Variants in FAF1 observed in about 807,000 individuals in gnomAD.
FAF1 encodes the protein FAS-associated factor 1.
A neutral mutation model predicts 92.5 loss-of-function variants in FAF1; 25 were observed. The observed-to-expected ratio is 0.27, with a 90% CI of 0.20 to 0.38. The LOEUF (loss-of-function observed/expected upper bound fraction) is 0.38. Among genes scored for constraint, FAF1 ranks in the 10% least tolerant of loss-of-function variants. The pLI is 1.00. For missense variants in FAF1, 636 were observed against 793.3 expected (o/e 0.80, Z 2.38); for synonymous variants, 234 against 273.2 (o/e 0.86, Z 1.42).
chr1:50,828,836 G>A, intron 2 of FAF1, among the ~76,000 whole-genome samples: 1 of 152,096 alleles, frequency 6.6e-6, no homozygotes, highest in East Asian at 1.9e-4. Flanking sequence ...AGTTATTCTT[G>A]CTTATTAAAG....
chr1:50,705,862 A>G lies in FAF1; in HGVS notation c.581T>C (p.Phe194Ser), dbSNP rs374805834. The G allele has an allele frequency of 3.7e-6, 6 of 1,612,688 alleles. No homozygotes were observed. Among genetic ancestry groups the G allele is most frequent in the Non-Finnish European group, 5.1e-6 (6 of 1,179,020 alleles). The stretch of plus-strand genomic sequence containing the variant: ...TTCTCGGTGGGTGATGATCAGCATG[A>G]AGTTTTGATTTAATGACTCCTGCAG... ...GALQESLNQNFMLIITHREVQ... is the reference protein window; with the variant it reads ...GALQESLNQNSMLIITHREVQ... The change falls in exon 7 of 19, where the codon TTC becomes TCC. Residue 194 changes from phenylalanine (F) to serine (S), a missense_variant. Physicochemically the swap from Phe to Ser is radical, Grantham distance 155. This residue lies in a region of FAF1 where 317 missense variants were observed against 342.4 expected (regional missense o/e 0.93). Transcript: ENST00000396153.
chr1:50,491,385 T>C lies in FAF1; in HGVS notation c.1575+336A>G, dbSNP rs1447910546. On this transcript the variant is annotated intron_variant, in intron 16 of 18. Coordinates refer to ENST00000396153, the MANE Select transcript of FAF1 (RefSeq NM_007051.3). ...CTCAACACAGAAGCAGGTGCTTAAGTAGTATTCAATAAATCAATAGTTCCC... is the reference window on the plus strand; with the variant it reads ...CTCAACACAGAAGCAGGTGCTTAAGCAGTATTCAATAAATCAATAGTTCCC... Among the ~76,000 whole-genome samples, 5 of 152,208 alleles carry C rather than the reference T, an allele frequency of 3.3e-5. No individual in the cohort carries two copies. In the East Asian group the frequency reaches 7.7e-4, roughly 23 times the overall value.
chr1:50,781,691 ACAG>A (rs1344370325), intron 4 of FAF1, among the ~76,000 whole-genome samples: 1 of 152,244 alleles, frequency 6.6e-6, no homozygotes, highest in African/African-American at 2.4e-5. Flanking sequence ...CCATTCTATC[ACAG>A]CAGAATACAC....
intron 15 of FAF1, among the ~76,000 whole-genome samples, chr1:50,512,295 T>G (rs1239049417): frequency 6.6e-6 from 1 of 152,240 alleles, no homozygotes; most frequent in Non-Finnish European, 1.5e-5. Flanking sequence ...TTTGGTGTTT[T>G]AGTTATGAAG....
At chr1:50,921,719 T>G (rs1221335000) in intron 1 of FAF1, among the ~76,000 whole-genome samples, 1 of 151,580 alleles carries the variant, frequency 6.6e-6, no homozygotes, top group African/African-American at 2.4e-5. Flanking sequence ...GGCAGAGGCA[T>G]GCAGTAAGCC....
Position 50,959,884 on chromosome 1 carries a change from TCGCCGCCACCGC to T in FAF1, c.-85_-74del, listed in dbSNP as rs901137564. ...AGGCAGACGGCACCTCCTGCGACCGTCGCCGCCACCGCCGCCGCCGCCGCCGGGCGCCGAGGG... is the reference window on the plus strand; with the variant it reads ...AGGCAGACGGCACCTCCTGCGACCGTCGCCGCCGCCGCCGGGCGCCGAGGG... On this transcript the variant is annotated 5_prime_UTR_variant, in exon 1 of 19. Coordinates refer to ENST00000396153, the MANE Select transcript of FAF1 (RefSeq NM_007051.3). 1.3e-5 allele frequency: 14 copies of T among 1,103,468 alleles called. No individual in the cohort carries two copies. The highest frequency in any genetic ancestry group is 1.6e-5 in the Non-Finnish European group (14 of 853,888). 68.4% of individuals were successfully genotyped at this position (1,103,468 alleles called of 1,614,324 possible). A position where few individuals can be genotyped will look rare whatever the true frequency, so the allele number is the denominator to read the frequency against.
chr1:50,638,930 T>C (rs1291715195), intron 8 of FAF1, among the ~76,000 whole-genome samples: 1 of 152,230 alleles, frequency 6.6e-6, no homozygotes, highest in African/African-American at 2.4e-5. Flanking sequence ...ACAATTCTAA[T>C]ACACACATTT....
intron 14 of FAF1, among the ~76,000 whole-genome samples, chr1:50,538,067 T>C (rs75380251): frequency 2.9e-4 from 44 of 152,094 alleles, no homozygotes; most frequent in Non-Finnish European, 5.4e-4. Flanking sequence ...CACTGAGTTA[T>C]GCATTTCTCT....
intron 13 of FAF1, among the ~76,000 whole-genome samples, chr1:50,548,449 G>A (rs997666840): frequency 5.3e-5 from 8 of 152,172 alleles, no homozygotes; most frequent in African/African-American, 1.9e-4. Context: ...TTGCATGAAT[G>A]GGCCAATTCA....
At chr1:50,717,095 C>T (rs1441569056) in intron 6 of FAF1, among the ~76,000 whole-genome samples, 2 of 152,280 alleles carry the variant, frequency 1.3e-5, no homozygotes, top group South Asian at 2.1e-4. Context: ...ACACTCACCG[C>T]GAAGGTCCGC....
intron 1 of FAF1, among the ~76,000 whole-genome samples, chr1:50,944,292 A>G (rs1645157136): frequency 6.6e-6 from 1 of 152,220 alleles, no homozygotes; most frequent in Non-Finnish European, 1.5e-5. Context: ...GCTAAATTTA[A>G]TGTGATAACA....
chr1:50,680,853 G>A (rs1656389627), intron 7 of FAF1, among the ~76,000 whole-genome samples: 1 of 152,074 alleles, frequency 6.6e-6, no homozygotes, highest in Non-Finnish European at 1.5e-5. Flanking sequence ...ACAATGCTCA[G>A]ATCAACTTAA....
intron 6 of FAF1, among the ~76,000 whole-genome samples, chr1:50,706,580 T>C (rs372175336): frequency 1.5e-3 from 226 of 152,132 alleles, no homozygotes; most frequent in African/African-American, 5.2e-3. Context: ...TATCTCCTCC[T>C]GGAACTGTCA....
intron 6 of FAF1, among the ~76,000 whole-genome samples, chr1:50,709,966 G>A (rs1657850220): frequency 6.6e-6 from 1 of 152,100 alleles, no homozygotes; most frequent in African/African-American, 2.4e-5. Flanking sequence ...AACGACGATG[G>A]GGGAATATTA....
chr1:50,897,775 G>C (rs1644768488), intron 1 of FAF1, among the ~76,000 whole-genome samples: 1 of 152,138 alleles, frequency 6.6e-6, no homozygotes, highest in African/African-American at 2.4e-5. Flanking sequence ...TCAGACATAT[G>C]ACTTTACTCT....
At chr1:50,476,663 T>G (rs924093692) in intron 17 of FAF1, among the ~76,000 whole-genome samples, 5 of 152,194 alleles carry the variant, frequency 3.3e-5, no homozygotes, top group Admixed American at 3.3e-4. Flanking sequence ...TCTAAAGCAG[T>G]GCTCTGATGA....
intron 1 of FAF1, among the ~76,000 whole-genome samples, chr1:50,948,426 G>C (rs963791392): frequency 6.6e-6 from 1 of 152,168 alleles, no homozygotes; most frequent in African/African-American, 2.4e-5. Context: ...GGCAAAGCGG[G>C]AGACAGCCTC....
At chr1:50,785,637 G>A (rs1274267811) in intron 4 of FAF1, among the ~76,000 whole-genome samples, 1 of 151,408 alleles carries the variant, frequency 6.6e-6, no homozygotes, top group African/African-American at 2.4e-5. Context: ...AAAAGAAAAG[G>A]GAAAGAAAAG....
At chr1:50,829,341 T>C (rs1237848500) in intron 2 of FAF1, among the ~76,000 whole-genome samples, 1 of 152,082 alleles carries the variant, frequency 6.6e-6, no homozygotes, top group Admixed American at 6.5e-5. Context: ...TGTGGTGGGG[T>C]AAAATAAACA....
Sources: allele counts gnomAD v4.1 joint callset (sites outside exome capture counted in the v4.1 genomes callset), GRCh38; gene constraint gnomAD v4.1.1; regional missense constraint gnomAD v4.1.1; transcripts MANE v1.5; gene names NCBI Gene and HGNC (gene_info 2026-07-23, HGNC 2026-07-21).